SFSWAP: variants seen among roughly 807,000 people sequenced by gnomAD.
The protein encoded by SFSWAP is splicing factor SWAP, also known as splicing factor, suppressor of white-apricot homolog.
Under a neutral mutation model 100.7 loss-of-function variants are expected in SFSWAP, and 17 were observed. The observed-to-expected ratio is 0.17, with a 90% CI of 0.12 to 0.25. The LOEUF (loss-of-function observed/expected upper bound fraction) is 0.25, where lower values mean the gene tolerates loss of function less well. Ranked by LOEUF, SFSWAP falls within the 10% of genes least tolerant of loss-of-function variation. The pLI is 1.00. For missense variants in SFSWAP, 1,005 were observed against 1,262.6 expected (o/e 0.80, Z 3.09); for synonymous variants, 504 against 510.1 (o/e 0.99, Z 0.16).
Position 131,753,198 on chromosome 12 carries a change from G to T in SFSWAP, c.1157G>T (p.Gly386Val), listed in dbSNP as rs1179523909. ...GTYCLAPPPPGIDVTTYYSTL... is the reference protein window; with the variant it reads ...GTYCLAPPPPVIDVTTYYSTL... ...TACTGCCTGGCGCCGCCCCCTCCCG[G>T]AATCGACGTGACTACTTACTACAGC... The change falls in exon 8 of 18, where the codon GGA becomes GTA. Residue 386 changes from glycine (G) to valine (V), a missense_variant. Physicochemically the swap from Gly to Val is moderately radical, Grantham distance 109. Coordinates refer to ENST00000261674, the MANE Select transcript of SFSWAP (RefSeq NM_004592.4). 1.2e-6 allele frequency: 2 copies of T among 1,614,174 alleles called. No individual in the cohort carries two copies. Among genetic ancestry groups the T allele is most frequent in the Non-Finnish European group, 1.7e-6 (2 of 1,180,018 alleles).
At chr12:131,766,843 G>A (rs889063759) in intron 13 of SFSWAP, among the ~76,000 whole-genome samples, 3 of 152,258 alleles carry the variant, frequency 2.0e-5, no homozygotes, top group Non-Finnish European at 2.9e-5. Flanking sequence ...GGGTCATCAC[G>A]TGGCTGCCTT....
intron 11 of SFSWAP, among the ~76,000 whole-genome samples, chr12:131,761,142 G>A (rs1882645378): frequency 6.6e-6 from 1 of 152,198 alleles, no homozygotes; most frequent in Non-Finnish European, 1.5e-5. Flanking sequence ...GTACACTTCT[G>A]CCTGGGAATC....
At chr12:131,723,553 G>A (rs1028726870) in intron 4 of SFSWAP, among the ~76,000 whole-genome samples, 5 of 152,180 alleles carry the variant, frequency 3.3e-5, no homozygotes, top group Non-Finnish European at 7.3e-5. Context: ...TCTGGGCAAA[G>A]CAGGTATTTG....
At chr12:131,740,629 T>C (rs1161727263) in intron 7 of SFSWAP, among the ~76,000 whole-genome samples, 1 of 152,192 alleles carries the variant, frequency 6.6e-6, no homozygotes, top group African/African-American at 2.4e-5. Context: ...CCTGTGTTTC[T>C]CTTTGGCACT....
chr12:131,780,248 C>CA (rs539716658), intron 14 of SFSWAP, among the ~76,000 whole-genome samples: 3 of 152,232 alleles, frequency 2.0e-5, no homozygotes, highest in Admixed American at 2.0e-4. Context: ...CTTATACACG[C>CA]AAAAAAGAAA....
intron 4 of SFSWAP, among the ~76,000 whole-genome samples, chr12:131,723,528 ATACT>A (rs796594826): frequency 4.3e-4 from 66 of 152,198 alleles, no homozygotes; most frequent in African/African-American, 1.6e-3. Flanking sequence ...ACTCAATCTG[ATACT>A]TACTTAGGGC....
intron 6 of SFSWAP, 80 bp downstream of exon 6, chr12:131,727,132 G>A (rs1025211980): frequency 1.0e-5 from 8 of 791,120 alleles, no homozygotes; most frequent in African/African-American, 1.7e-5. Flanking sequence ...TTTGAAGCAT[G>A]TCATTCTTGT....
At chr12:131,757,577 G>A (rs1285295908) in intron 11 of SFSWAP, 1 of 152,868 alleles carries the variant, frequency 6.5e-6, no homozygotes, top group Non-Finnish European at 1.5e-5. Context: ...AGGTGTGGCA[G>A]TGGGGCGAGG....
At position 131,756,611 on chromosome 12, in the gene SFSWAP, A is replaced by G. The variant is rs144489820; in HGVS notation, c.1687A>G (p.Ser563Gly). The change falls in exon 11 of 18, where the codon AGT becomes GGT. Residue 563 changes from serine (S) to glycine (G), a missense_variant. Ser to Gly is a moderately conservative substitution (Grantham distance 56, BLOSUM62 0). This residue lies in a region of SFSWAP where 311 missense variants were observed against 317.8 expected (regional missense o/e 0.98). Transcript: ENST00000261674. ...GSGGKKEASS[S>G]KTVPDGKLVK... ...AGGCGGGAAGAAGGAGGCATCGTCC[A>G]GTAAGACCGTCCCGGACGGGAAGCT... The G allele has an allele frequency of 1.4e-3, 2,234 of 1,610,668 alleles. 3 individuals are homozygous for G. The highest frequency in any genetic ancestry group is 1.6e-3 in the Non-Finnish European group (1,941 of 1,178,620).
intron 6 of SFSWAP, 30 bp downstream of exon 6, chr12:131,727,082 T>C (rs1310633629): frequency 1.5e-6 from 2 of 1,297,146 alleles, no homozygotes; most frequent in Non-Finnish European, 2.2e-6. Flanking sequence ...ACTATATTTT[T>C]ATGCCACCAC....
intron 14 of SFSWAP, among the ~76,000 whole-genome samples, chr12:131,783,171 A>T (rs1312470975): frequency 6.9e-6 from 1 of 143,972 alleles, no homozygotes; most frequent in Non-Finnish European, 1.5e-5. Context: ...ATAGAGCAAG[A>T]CTCCGTCTAA....
At chr12:131,713,733 G>A (rs1326292838) in intron 1 of SFSWAP, 1 of 174,344 alleles carries the variant, frequency 5.7e-6, no homozygotes. Flanking sequence ...TTTGCAAGTG[G>A]CATTGAATGG....
chr12:131,765,131 G>A (rs954100977), intron 12 of SFSWAP, among the ~76,000 whole-genome samples: 2 of 152,156 alleles, frequency 1.3e-5, no homozygotes, highest in African/African-American at 4.8e-5. Flanking sequence ...TTCCGGCTGC[G>A]GCTCATCTTC....
chr12:131,794,564 CAACA>C lies in SFSWAP; in HGVS notation c.2535-2605_2535-2602del, dbSNP rs966988157. ...ACAACAGAAAACCAAGAAGCCAAAC[CAACA>C]AACAAACACAGACATAGCGTGGGGT... On this transcript the variant is annotated intron_variant, in intron 15 of 17. Transcript: ENST00000261674. The surrounding 1 kb of genome is among the most constrained non-coding windows in gnomAD (Gnocchi z 4.8). 6.6e-6 allele frequency among the ~76,000 whole-genome samples: 1 copy of C among 152,112 alleles called. No individual in the cohort carries two copies. The highest frequency in any genetic ancestry group is 1.5e-5 in the Non-Finnish European group (1 of 68,030).
At chr12:131,736,475 C>G (rs924831772) in intron 7 of SFSWAP, among the ~76,000 whole-genome samples, 1 of 152,114 alleles carries the variant, frequency 6.6e-6, no homozygotes, top group Non-Finnish European at 1.5e-5. Context: ...TTCTGATAGT[C>G]TAGTAGAAAA....
chr12:131,740,299 G>C (rs1272135538), intron 7 of SFSWAP, among the ~76,000 whole-genome samples: 1 of 152,038 alleles, frequency 6.6e-6, no homozygotes, highest in Admixed American at 6.6e-5. Context: ...CGAGTCGCTT[G>C]CCTAGGATTC....
intron 3 of SFSWAP, among the ~76,000 whole-genome samples, chr12:131,717,888 A>T (rs946110063): frequency 1.1e-4 from 17 of 152,058 alleles, no homozygotes; most frequent in African/African-American, 2.4e-5. Flanking sequence ...CCGCCACCAC[A>T]ACTGGCTAAT....
At position 131,778,112 on chromosome 12, in the gene SFSWAP, G is replaced by T. The variant is rs753846506; in HGVS notation, c.2190G>T (p.Leu730=). 3.1e-6 allele frequency: 5 copies of T among 1,613,822 alleles called. No homozygotes were observed. The highest frequency in any genetic ancestry group is 3.4e-6 in the Non-Finnish European group (4 of 1,180,006). Residue 730 remains leucine, a synonymous_variant, in exon 14 of 18, where the codon CTG becomes CTT. Transcript: ENST00000261674. This position sits in a 1 kb window ranked among gnomAD's most constrained non-coding sequence, Gnocchi z 4.2. Reference sequence around the variant, plus strand: ...CTCTACTGACTGGAGGCAGGCCTCTGCCTACTTTAGAAGTTAAACCACCCG... The same window carrying T: ...CTCTACTGACTGGAGGCAGGCCTCTTCCTACTTTAGAAGTTAAACCACCCG... ...PCPLLTGGRP[L]PTLEVKPPDR...
intron 12 of SFSWAP, 115 bp downstream of exon 12, chr12:131,764,801 C>T (rs1321957343): frequency 1.4e-5 from 10 of 726,258 alleles, no homozygotes; most frequent in South Asian, 1.9e-5. Flanking sequence ...CTTTGGAAAT[C>T]GACCTATTTG....
Sources: gnomAD v4.1 joint callset for allele counts (sites outside exome capture counted in the v4.1 genomes callset) on GRCh38, gnomAD v4.1.1 for gene constraint, gnomAD v4.1.1 regional missense constraint, Gnocchi (gnomAD v3.1) non-coding constraint, MANE v1.5 for transcripts, NCBI Gene and HGNC (gene_info 2026-07-23, HGNC 2026-07-21) for gene names.